XPO7: variants seen among roughly 807,000 people sequenced by gnomAD.
The protein encoded by XPO7 is exportin 7.
In XPO7, 21 loss-of-function variants were observed where a neutral mutation model predicts 144.3. The ratio of observed to expected loss-of-function variants is 0.15; its 90% confidence interval spans 0.10 to 0.21. XPO7 has a LOEUF of 0.21. XPO7 is among the 10% of genes least tolerant of loss of function. The probability of loss-of-function intolerance (pLI) is 1.00; values close to 1 mark genes in which losing one functional copy is unlikely to be tolerated. For missense variants in XPO7, 808 were observed against 1,325.8 expected, an observed-to-expected ratio of 0.61 and a Z score of 6.06; for synonymous variants, 580 against 499.6, an observed-to-expected ratio of 1.16 and a Z score of -2.15.
intron 27 of XPO7, among the ~76,000 whole-genome samples, chr8:22,004,726 C>T (rs1166966170): frequency 6.6e-6 from 1 of 151,946 alleles, no homozygotes; most frequent in South Asian, 2.1e-4. Flanking sequence ...TGGCTTACTG[C>T]CCTCACGTGT....
At chr8:21,920,518 A>G (rs1810243936) in intron 1 of XPO7, among the ~76,000 whole-genome samples, 1 of 152,100 alleles carries the variant, frequency 6.6e-6, no homozygotes, top group Admixed American at 6.5e-5. Flanking sequence ...TGAGAGATGC[A>G]GGGTTGGGTG....
intron 4 of XPO7, 93 bp from the exon 5 acceptor site, chr8:21,971,783 C>A: frequency 1.0e-6 from 1 of 985,278 alleles, no homozygotes. Context: ...ACTAATGACA[C>A]AGGAACCCGT....
intron 19 of XPO7, among the ~76,000 whole-genome samples, chr8:21,993,826 T>C (rs757923851): frequency 6.6e-6 from 1 of 152,078 alleles, no homozygotes; most frequent in Non-Finnish European, 1.5e-5. Flanking sequence ...TCCTTTAGGG[T>C]ATATATGGCT....
intron 1 of XPO7, among the ~76,000 whole-genome samples, chr8:21,959,418 T>C (rs1811646637): frequency 6.6e-6 from 1 of 152,168 alleles, no homozygotes. Flanking sequence ...AGGGAAAATA[T>C]TTGAATGATT....
At chr8:21,935,391 C>A (rs1810789322) in intron 1 of XPO7, among the ~76,000 whole-genome samples, 1 of 152,158 alleles carries the variant, frequency 6.6e-6, no homozygotes, top group Non-Finnish European at 1.5e-5. Context: ...GGTGAACAAA[C>A]TAATTGGAAA....
At chr8:21,944,180 A>C (rs1563315207) in intron 1 of XPO7, among the ~76,000 whole-genome samples, 1 of 152,238 alleles carries the variant, frequency 6.6e-6, no homozygotes, top group African/African-American at 2.4e-5. Flanking sequence ...GACTCTGACC[A>C]TGAGCTTTTC....
Position 21,990,696 on chromosome 8 carries a change from A to G in XPO7, c.1933-115A>G, listed in dbSNP as rs1812743069. 2.7e-6 allele frequency: 3 copies of G among 1,109,786 alleles called. No individual in the cohort carries two copies. In the East Asian group the frequency reaches 7.1e-5, roughly 26 times the overall value. The allele number at this position is 1,109,786 out of a possible 1,614,324, so 68.7% of individuals were successfully genotyped here. ...AAAAAAAAAAACCTTCAGATCCTCA[A>G]GGAATGACTACATAACCATTGGCTT... On this transcript the variant is annotated intron_variant, in intron 17 of 27. Coordinates refer to ENST00000252512, the MANE Select transcript of XPO7 (RefSeq NM_015024.5).
intron 1 of XPO7, among the ~76,000 whole-genome samples, chr8:21,945,685 G>A (rs1295492273): frequency 6.6e-6 from 1 of 152,112 alleles, no homozygotes; most frequent in Non-Finnish European, 1.5e-5. Context: ...AAATTCCTTG[G>A]GAGCAAAAAT....
chr8:21,929,306 A>G (rs1585414984), intron 1 of XPO7, among the ~76,000 whole-genome samples: 1 of 152,362 alleles, frequency 6.6e-6, no homozygotes, highest in East Asian at 1.9e-4. Context: ...GATAAAAATA[A>G]GCTAGATCCT....
chr8:21,969,028 A>G (rs1447255419), intron 2 of XPO7, among the ~76,000 whole-genome samples: 1 of 152,228 alleles, frequency 6.6e-6, no homozygotes, highest in African/African-American at 2.4e-5. Flanking sequence ...TATACAGCAT[A>G]GTGTGATGGT....
chr8:21,929,924 C>A (rs1810589070), intron 1 of XPO7, among the ~76,000 whole-genome samples: 1 of 152,140 alleles, frequency 6.6e-6, no homozygotes, highest in South Asian at 2.1e-4. Context: ...TTGTTCTTAA[C>A]ATAGAGATGT....
intron 2 of XPO7, among the ~76,000 whole-genome samples, chr8:21,968,928 T>A (rs887347743): frequency 6.6e-6 from 1 of 152,226 alleles, no homozygotes. Context: ...ACAAATAACC[T>A]TAAGTTTACT....
chr8:21,934,761 A>C (rs1389144086), intron 1 of XPO7, among the ~76,000 whole-genome samples: 2 of 152,202 alleles, frequency 1.3e-5, no homozygotes, highest in African/African-American at 4.8e-5. Flanking sequence ...AATATGATGG[A>C]TTGCTATGCA....
intron 10 of XPO7, 68 bp from the exon 11 acceptor site, chr8:21,982,572 G>T: frequency 6.8e-7 from 1 of 1,479,426 alleles, no homozygotes; most frequent in Non-Finnish European, 9.0e-7. Flanking sequence ...TATCTTCTGT[G>T]TCAGTGGCAT....
chr8:21,993,525 C>T (rs1382128813), intron 19 of XPO7, among the ~76,000 whole-genome samples: 1 of 152,148 alleles, frequency 6.6e-6, no homozygotes, highest in Admixed American at 6.5e-5. Context: ...AACCCCCAAA[C>T]TATGATTTTT....
At chr8:21,978,529 T>C (rs770285957) in intron 8 of XPO7, among the ~76,000 whole-genome samples, 25 of 152,224 alleles carry the variant, frequency 1.6e-4, no homozygotes, top group Admixed American at 8.5e-4. Flanking sequence ...TTGTGTTCGC[T>C]GAAACATGAT....
At chr8:21,934,774 C>T (rs1810769547) in intron 1 of XPO7, among the ~76,000 whole-genome samples, 1 of 152,150 alleles carries the variant, frequency 6.6e-6, no homozygotes, top group African/African-American at 2.4e-5. Flanking sequence ...GCTATGCAGG[C>T]ATTCAAGCCA....
chr8:21,967,506 T>C (rs1563325163), intron 2 of XPO7, among the ~76,000 whole-genome samples: 1 of 151,902 alleles, frequency 6.6e-6, no homozygotes, highest in South Asian at 2.1e-4. Context: ...AATTTTGTAT[T>C]TTTTTTAGTA....
intron 16 of XPO7, among the ~76,000 whole-genome samples, chr8:21,990,010 C>T (rs937165878): frequency 9.9e-5 from 15 of 151,148 alleles, no homozygotes; most frequent in Admixed American, 6.6e-4. Context: ...CCACCATGCC[C>T]GGCTAATTTT....
Sources: allele counts gnomAD v4.1 joint callset (sites outside exome capture counted in the v4.1 genomes callset), GRCh38; gene constraint gnomAD v4.1.1; transcripts MANE v1.5; gene names NCBI Gene and HGNC (gene_info 2026-07-23, HGNC 2026-07-21).